SFMBT2: variants seen among roughly 807,000 people sequenced by gnomAD.
SFMBT2 encodes Scm like with four mbt domains 2.
SFMBT2 carries 38 observed loss-of-function variants against 110.1 expected under a neutral mutation model. The observed-to-expected ratio is 0.35, with a 90% confidence interval of 0.27 to 0.45. The LOEUF is 0.45. Ranked by LOEUF, SFMBT2 falls within the 20% of genes least tolerant of loss-of-function variation. SFMBT2 has a pLI of 1.00. For missense variants in SFMBT2, 1,011 were observed against 1,094.9 expected, an observed-to-expected ratio of 0.92 and a Z score of 1.08; for synonymous variants, 425 against 425.4, an observed-to-expected ratio of 1.00 and a Z score of 0.01.
rs757262951 is a variant in SFMBT2 at position 7,172,554 on chromosome 10, T to C, written c.2092A>G (p.Ile698Val). Residue 698 changes from isoleucine (I) to valine (V), a missense_variant, in exon 18 of 21, where the codon ATT becomes GTT. Transcript: ENST00000397167. This position sits in a 1 kb window ranked among gnomAD's most constrained non-coding sequence, Gnocchi z 4.6. ...GACCTCCGTTTCTTCTGCACGAAAA[T>C]GGATTTCCGTCGCTTCCTCCGCCTG... ...PARRRKRRKSIFVQKKRRSSA... is the reference protein window; with the variant it reads ...PARRRKRRKSVFVQKKRRSSA... 6.8e-6 allele frequency: 11 copies of C among 1,614,094 alleles called. No homozygotes were observed. Among genetic ancestry groups the C allele is most frequent in the Admixed American group, 6.7e-5 (4 of 60,022 alleles).
At chr10:7,288,739 T>C (rs760822633) in intron 4 of SFMBT2, among the ~76,000 whole-genome samples, 8 of 152,116 alleles carry the variant, frequency 5.3e-5, no homozygotes, top group Non-Finnish European at 1.2e-4. Context: ...GGAAAAAAAT[T>C]AGAAACAGCG....
chr10:7,254,328 A>C (rs1840924317), intron 7 of SFMBT2, among the ~76,000 whole-genome samples: 1 of 152,318 alleles, frequency 6.6e-6, no homozygotes, highest in African/African-American at 2.4e-5. Flanking sequence ...GAATACACAG[A>C]ACACCCTCCA....
intron 12 of SFMBT2, 120 bp downstream of exon 12, chr10:7,205,695 T>C: frequency 6.3e-6 from 9 of 1,421,896 alleles, no homozygotes; most frequent in Non-Finnish European, 8.3e-6. Context: ...GGGTTCTTGG[T>C]GGAAAATCAA....
At chr10:7,248,151 G>A (rs1840676490) in intron 8 of SFMBT2, among the ~76,000 whole-genome samples, 1 of 140,768 alleles carries the variant, frequency 7.1e-6, no homozygotes, top group Non-Finnish European at 1.6e-5. Flanking sequence ...AAAAAACACA[G>A]AAATGCTGAG....
In SFMBT2 at chr10:7,161,711, A is replaced by C. The variant is rs1422023719; in HGVS notation, c.*2059T>G. The C allele has an allele frequency of 6.6e-6, 1 of 152,214 alleles. No individual in the cohort carries two copies. The highest frequency in any genetic ancestry group is 1.5e-5 in the Non-Finnish European group (1 of 68,046). 9.4% of individuals were successfully genotyped at this position (152,214 alleles called of 1,614,324 possible). The stretch of plus-strand genomic sequence containing the variant: ...ATTCTAGAAATCGACTGCAGGGGAG[A>C]CCAAAACGCCTCATCCATAAAATAT... On this transcript the variant is annotated 3_prime_UTR_variant, in exon 21 of 21. Coordinates refer to ENST00000397167, the MANE Select transcript of SFMBT2 (RefSeq NM_001387889.1).
At chr10:7,303,604 A>G (rs1194283840) in intron 4 of SFMBT2, among the ~76,000 whole-genome samples, 1 of 152,216 alleles carries the variant, frequency 6.6e-6, no homozygotes, top group African/African-American at 2.4e-5. Flanking sequence ...CACTTATCCA[A>G]TAACCATAAG....
chr10:7,314,856 C>T lies in SFMBT2; in HGVS notation c.437-28902G>A, dbSNP rs189088825. On this transcript the variant is annotated intron_variant, in intron 4 of 20. Transcript: ENST00000397167. Reference sequence around the variant, plus strand: ...TCAAGAGGCAGAGGTTGCAGTGAGCCGAGATCGTGTCACTGCACTTCAGCC... The same window carrying T: ...TCAAGAGGCAGAGGTTGCAGTGAGCTGAGATCGTGTCACTGCACTTCAGCC... Among the ~76,000 whole-genome samples the T allele has an allele frequency of 6.8e-3, 1,014 of 149,516 alleles. 6 individuals carry two copies. The highest frequency in any genetic ancestry group is 0.014 in the Admixed American group (211 of 14,962).
chr10:7,239,398 G>A (rs1047720699), intron 9 of SFMBT2, among the ~76,000 whole-genome samples: 1 of 152,098 alleles, frequency 6.6e-6, no homozygotes, highest in Non-Finnish European at 1.5e-5. Context: ...GCTTCTACTT[G>A]CATACCTTCA....
At chr10:7,306,270 G>A (rs1002113510) in intron 4 of SFMBT2, among the ~76,000 whole-genome samples, 1 of 152,206 alleles carries the variant, frequency 6.6e-6, no homozygotes, top group Non-Finnish European at 1.5e-5. Flanking sequence ...ACCCACCCCC[G>A]GCACTTGCCT....
chr10:7,275,726 A>T (rs1337248565), intron 7 of SFMBT2, among the ~76,000 whole-genome samples: 3 of 152,196 alleles, frequency 2.0e-5, no homozygotes, highest in African/African-American at 7.2e-5. Context: ...GGGAGATCTT[A>T]ATAGTCCAAT....
At chr10:7,230,929 C>A (rs1588365166) in intron 9 of SFMBT2, among the ~76,000 whole-genome samples, 1 of 152,070 alleles carries the variant, frequency 6.6e-6, no homozygotes. Context: ...AAGACTCTGT[C>A]TCTCAAAACA....
At chr10:7,330,153 A>C (rs938436740) in intron 4 of SFMBT2, among the ~76,000 whole-genome samples, 1 of 152,026 alleles carries the variant, frequency 6.6e-6, no homozygotes, top group Admixed American at 6.5e-5. Context: ...GGATCTCTTT[A>C]TTATCCCCCT....
At chr10:7,345,850 C>G (rs1265176706) in intron 4 of SFMBT2, among the ~76,000 whole-genome samples, 1 of 152,198 alleles carries the variant, frequency 6.6e-6, no homozygotes, top group African/African-American at 2.4e-5. Flanking sequence ...CACCCTTCCT[C>G]CATGTCTTCA....
intron 1 of SFMBT2, among the ~76,000 whole-genome samples, chr10:7,392,601 C>T (rs945493877): frequency 5.9e-5 from 9 of 152,102 alleles, no homozygotes; most frequent in East Asian, 3.9e-4. Context: ...ATTTAAACTA[C>T]GTTGGTATCT....
chr10:7,377,198 GA>G (rs1430195884), intron 2 of SFMBT2, among the ~76,000 whole-genome samples: 2 of 129,518 alleles, frequency 1.5e-5, no homozygotes, highest in African/African-American at 5.6e-5. Flanking sequence ...AAAAAAAAGA[GA>G]AAACACCCCA....
rs1842324100 is a variant in SFMBT2, at chr10:7,293,700, TTCTCTTTCTCTCTC to T, written c.437-7760_437-7747del. Among the ~76,000 whole-genome samples the T allele has an allele frequency of 6.6e-6, 1 of 152,022 alleles. No individual in the cohort carries two copies. Among genetic ancestry groups the T allele is most frequent in the African/African-American group, 2.4e-5 (1 of 41,386 alleles). On this transcript the variant is annotated intron_variant, in intron 4 of 20. Transcript: ENST00000397167. This position sits in a 1 kb window ranked among gnomAD's most constrained non-coding sequence, Gnocchi z 4.6. ...AAGCACAGTCAAAGTTCCTCTCTCT[TTCTCTTTCTCTCTC>T]TCTCTTTCTCTCCCTCTCTCTCTCT...
chr10:7,285,769 C>T (rs1842067321), intron 5 of SFMBT2, 97 bp downstream of exon 5: 2 of 737,142 alleles, frequency 2.7e-6, no homozygotes, highest in Non-Finnish European at 5.1e-6. Context: ...AGAAAGCACG[C>T]ATCTGCTGAA....
chr10:7,227,468 A>C (rs1256578794), intron 10 of SFMBT2, among the ~76,000 whole-genome samples: 1 of 152,190 alleles, frequency 6.6e-6, no homozygotes, highest in Non-Finnish European at 1.5e-5. Context: ...CAGCAATAAC[A>C]TACACTGCTA....
intron 7 of SFMBT2, among the ~76,000 whole-genome samples, chr10:7,262,504 T>C (rs1347062810): frequency 6.6e-6 from 1 of 152,176 alleles, no homozygotes; most frequent in Non-Finnish European, 1.5e-5. Flanking sequence ...TAATATGATC[T>C]CACCCTCCCT....
Sources: gnomAD v4.1 joint callset for allele counts (sites outside exome capture counted in the v4.1 genomes callset) on GRCh38, gnomAD v4.1.1 for gene constraint, Gnocchi (gnomAD v3.1) non-coding constraint, MANE v1.5 for transcripts, NCBI Gene and HGNC (gene_info 2026-07-23, HGNC 2026-07-21) for gene names.